Variants in STARD13 observed in about 807,000 individuals in gnomAD.
The protein encoded by STARD13 is StAR related lipid transfer domain containing 13.
In STARD13, 62 loss-of-function variants were observed where a neutral mutation model predicts 106.4. The ratio of observed to expected loss-of-function variants is 0.58; its 90% CI spans 0.48 to 0.72. The LOEUF is 0.72. Ranked by LOEUF, STARD13 falls within the 30% of genes least tolerant of loss-of-function variation. The pLI, the probability that STARD13 is intolerant of heterozygous loss-of-function variation, is 0.00. For synonymous variants in STARD13, 565 were observed against 553.0 expected, an observed-to-expected ratio of 1.02 and a Z score of -0.31; for missense variants, 1,387 against 1,424.0, an observed-to-expected ratio of 0.97 and a Z score of 0.42.
At chr13:33,138,227 A>C (rs962402263) in intron 4 of STARD13, among the ~76,000 whole-genome samples, 1 of 152,184 alleles carries the variant, frequency 6.6e-6, no homozygotes, top group Non-Finnish European at 1.5e-5. Flanking sequence ...TGGAGTCTTC[A>C]GTCTCTGGCT....
the STARD13 span, among the ~76,000 whole-genome samples, chr13:33,356,451 C>T: frequency 5.2e-3 from 791 of 152,288 alleles, 8 homozygotes; most frequent in African/African-American, 0.017. Context: ...CCCCAGCTCC[C>T]ATAGGCAGTA....
At chr13:33,528,257 C>CATATATATATATATATATGTATATATAT in the STARD13 span, among the ~76,000 whole-genome samples, 10 of 92,900 alleles carry the variant, frequency 1.1e-4, no homozygotes, top group African/African-American at 6.5e-4. Context: ...TATATATATA[C>CATATATATATATATATATGTATATATAT]ATATATATAT....
chr13:33,427,303 C>G, the STARD13 span, among the ~76,000 whole-genome samples: 2 of 151,950 alleles, frequency 1.3e-5, no homozygotes, highest in African/African-American at 4.8e-5. Context: ...TTTTCTGCCT[C>G]CAAAAAGAAT....
At chr13:33,148,489 A>C (rs1488585763) in intron 3 of STARD13, among the ~76,000 whole-genome samples, 1 of 152,242 alleles carries the variant, frequency 6.6e-6, no homozygotes, top group Admixed American at 6.5e-5. Flanking sequence ...ACTCAACATC[A>C]CATGTCATTA....
chr13:33,371,273 G>T, the STARD13 span, among the ~76,000 whole-genome samples: 1 of 152,026 alleles, frequency 6.6e-6, no homozygotes, highest in Non-Finnish European at 1.5e-5. Context: ...TAGACACTAT[G>T]TCCTTTCTGA....
intron 1 of STARD13, among the ~76,000 whole-genome samples, chr13:33,231,031 T>C (rs1888893381): frequency 6.6e-6 from 1 of 151,938 alleles, no homozygotes; most frequent in South Asian, 2.1e-4. Flanking sequence ...GGAGATAGAG[T>C]TTAAGTTGGG....
the STARD13 span, among the ~76,000 whole-genome samples, chr13:33,457,962 A>G: frequency 1.3e-5 from 2 of 152,356 alleles, no homozygotes; most frequent in African/African-American, 4.8e-5. Context: ...ATAGAAAATG[A>G]AAACTTAACT....
At chr13:33,435,012 G>A in the STARD13 span, among the ~76,000 whole-genome samples, 50 of 152,292 alleles carry the variant, frequency 3.3e-4, no homozygotes, top group African/African-American at 1.2e-3. Flanking sequence ...TGGGGAAAGA[G>A]TCAACTTCTT....
chr13:33,112,715 A>C lies in STARD13; in HGVS notation c.2492+6T>G, dbSNP rs1370984637. On this transcript the variant is annotated splice_donor_region_variant and intron_variant, in intron 9 of 13. Coordinates refer to ENST00000336934, the MANE Select transcript of STARD13 (RefSeq NM_178006.4). ...ATTACTGTTGTTACTGAGAAAAAAA[A>C]CCCACCGTGGAGAGCTTTCTTTCTT... is the stretch of plus-strand genomic sequence containing the variant. 8 of 1,574,250 alleles carry C rather than the reference A, an allele frequency of 5.1e-6. No individual in the cohort carries two copies. Among genetic ancestry groups the C allele is most frequent in the Non-Finnish European group, 1.7e-6 (2 of 1,162,232 alleles).
At chr13:33,346,289 A>G (rs1241188420), downstream of STARD13, among the ~76,000 whole-genome samples, 1 of 152,194 alleles carries the variant, frequency 6.6e-6, no homozygotes, top group Non-Finnish European at 1.5e-5. Context: ...GAGATACCCT[A>G]AGACAAAACC....
Position 33,215,124 on chromosome 13 carries a change from G to C in STARD13, c.170-47502C>G, listed in dbSNP as rs556503427. ...TCAGGAATAGAATGAGTACTTGGGG[G>C]GGGGGGTGGGGGGAAATAAGCACCT... On this transcript the variant is annotated intron_variant, in intron 1 of 13. Transcript: ENST00000336934. Among the ~76,000 whole-genome samples, 5 of 128,386 alleles carry C rather than the reference G, an allele frequency of 3.9e-5. 1 individual carries two copies. Among genetic ancestry groups the C allele is most frequent in the South Asian group, 5.8e-4 (2 of 3,468 alleles). The allele number at this position is 128,386 out of a possible 152,430, so 84.2% of individuals were successfully genotyped here.
intron 8 of STARD13, among the ~76,000 whole-genome samples, chr13:33,115,864 T>A (rs1875295421): frequency 6.6e-6 from 1 of 152,222 alleles, no homozygotes. Flanking sequence ...AATTATATTG[T>A]GACCTTAAAG....
At chr13:33,536,689 C>CT in the STARD13 span, among the ~76,000 whole-genome samples, 87 of 152,318 alleles carry the variant, frequency 5.7e-4, 1 homozygote, top group East Asian at 0.015. Flanking sequence ...GTAGATACCT[C>CT]TTTTAACGAA....
At chr13:33,381,745 TA>T in the STARD13 span, among the ~76,000 whole-genome samples, 1 of 151,942 alleles carries the variant, frequency 6.6e-6, no homozygotes, top group East Asian at 1.9e-4. Flanking sequence ...CTCTCAAAAA[TA>T]AAAAAATAAA....
In STARD13 at chr13:33,129,531, G is replaced by T; in HGVS notation, c.1146C>A (p.Ser382Arg). 3.1e-6 allele frequency: 5 copies of T among 1,614,152 alleles called. No homozygotes were observed. Among genetic ancestry groups the T allele is most frequent in the Non-Finnish European group, 4.2e-6 (5 of 1,180,028 alleles). ...GTALPDAGDQSRMHEFHSQEN... is the reference protein window; with the variant it reads ...GTALPDAGDQRRMHEFHSQEN... ...CTTGGGAGTGAAATTCATGCATACGGCTTTGGTCCCCTGCATCCGGCAGTG... is the reference window on the plus strand; with the variant it reads ...CTTGGGAGTGAAATTCATGCATACGTCTTTGGTCCCCTGCATCCGGCAGTG... The change falls in exon 5 of 14, where the codon AGC becomes AGA. Residue 382 changes from serine to arginine, a missense_variant. Physicochemically the swap from Ser to Arg is moderately radical, Grantham distance 110. Coordinates refer to ENST00000336934, the MANE Select transcript of STARD13 (RefSeq NM_178006.4).
At chr13:33,604,722 C>T in the STARD13 span, among the ~76,000 whole-genome samples, 1 of 151,620 alleles carries the variant, frequency 6.6e-6, no homozygotes, top group African/African-American at 2.4e-5. Context: ...TTGCTTTAAT[C>T]TGGGAGGCAG....
At chr13:33,458,679 A>G in the STARD13 span, among the ~76,000 whole-genome samples, 42 of 152,148 alleles carry the variant, frequency 2.8e-4, no homozygotes, top group African/African-American at 8.2e-4. Context: ...AACAAATTAT[A>G]TATTCTCTCT....
At chr13:33,669,010 C>T in the STARD13 span, among the ~76,000 whole-genome samples, 1 of 152,310 alleles carries the variant, frequency 6.6e-6, no homozygotes, top group South Asian at 2.1e-4. Context: ...GGAAAATGGA[C>T]AGAGAAAAGT....
At chr13:33,221,846 AG>A in intron 1 of STARD13, among the ~76,000 whole-genome samples, 1 of 152,350 alleles carries the variant, frequency 6.6e-6, no homozygotes, top group South Asian at 2.1e-4. Context: ...AATATTACTC[AG>A]CTTTAAAAAG....
Sources: gnomAD v4.1 joint callset for allele counts (sites outside exome capture counted in the v4.1 genomes callset) on GRCh38, gnomAD v4.1.1 for gene constraint, MANE v1.5 for transcripts, NCBI Gene and HGNC (gene_info 2026-07-23, HGNC 2026-07-21) for gene names.